LYG2: variants seen among roughly 807,000 people sequenced by gnomAD.
LYG2 encodes lysozyme g2, also known as lysozyme g-like protein 2.
LYG2 carries 25 observed loss-of-function variants against 22.4 expected under a neutral mutation model. The observed-to-expected ratio is 1.12, with a 90% CI of 0.81 to 1.56. The LOEUF is 1.56. Ranked by LOEUF, LYG2 falls within the 40% of genes most tolerant of loss-of-function variation. LYG2 has a pLI of 0.00. For missense variants in LYG2, 266 were observed against 269.5 expected (o/e 0.99, Z 0.09); for synonymous variants, 88 against 97.0 (o/e 0.91, Z 0.55).
chr2:99,247,440 T>G (rs1449227205), intron 3 of LYG2, among the ~76,000 whole-genome samples: 1 of 151,700 alleles, frequency 6.6e-6, no homozygotes, highest in Non-Finnish European at 1.5e-5. Context: ...CTTGAGAGTT[T>G]TTTTTTTTTT....
chr2:99,258,940 G>T (rs999634825), upstream of LYG2, among the ~76,000 whole-genome samples: 3 of 152,148 alleles, frequency 2.0e-5, no homozygotes, highest in Non-Finnish European at 4.4e-5. Flanking sequence ...GGCCAATAAA[G>T]CTCATGAAAA....
upstream of LYG2, among the ~76,000 whole-genome samples, chr2:99,257,243 A>T (rs945270094): frequency 1.3e-5 from 2 of 152,254 alleles, no homozygotes; most frequent in African/African-American, 4.8e-5. Flanking sequence ...GCAAATTAAT[A>T]TAAGTTAACT....
intron 4 of LYG2, among the ~76,000 whole-genome samples, chr2:99,246,121 A>T (rs984123335): frequency 2.0e-5 from 3 of 152,200 alleles, no homozygotes; most frequent in Non-Finnish European, 2.9e-5. Context: ...CACAAAAAAA[A>T]TTCTGCCACA....
chr2:99,253,875 G>A (rs537787593), intron 3 of LYG2, among the ~76,000 whole-genome samples: 1 of 152,010 alleles, frequency 6.6e-6, no homozygotes, highest in African/African-American at 2.4e-5. Context: ...CTCATCCACT[G>A]CTTGGCATTG....
rs574057556 is a variant in LYG2, at chr2:99,255,030, A to G, written c.-36T>C. The G allele has an allele frequency of 6.6e-6, 1 of 152,374 alleles. No homozygotes were observed. Among genetic ancestry groups the G allele is most frequent in the East Asian group, 1.9e-4 (1 of 5,190 alleles). 9.4% of individuals were successfully genotyped at this position (152,374 alleles called of 1,614,324 possible). On this transcript the variant is annotated 5_prime_UTR_variant, in exon 2 of 7. Coordinates refer to ENST00000333017, the MANE Select transcript of LYG2 (RefSeq NM_175735.4). ...AAGGCCAGCACTAACCTTGTTTGCAACCTTACAGAGAAAATCTCCCCTCTC... is the reference window on the plus strand; with the variant it reads ...AAGGCCAGCACTAACCTTGTTTGCAGCCTTACAGAGAAAATCTCCCCTCTC...
chr2:99,257,536 C>T (rs1329898094), upstream of LYG2, among the ~76,000 whole-genome samples: 4 of 152,198 alleles, frequency 2.6e-5, no homozygotes, highest in African/African-American at 9.7e-5. Context: ...AGAATGACTA[C>T]ATGTAAGTTG....
At chr2:99,260,649 G>A (rs1212365364), upstream of LYG2, among the ~76,000 whole-genome samples, 2 of 152,202 alleles carry the variant, frequency 1.3e-5, no homozygotes, top group East Asian at 3.9e-4. Flanking sequence ...ACCTGGGAGT[G>A]ACTTGAATAT....
At chr2:99,260,316 A>T (rs1281700434), upstream of LYG2, among the ~76,000 whole-genome samples, 1 of 152,222 alleles carries the variant, frequency 6.6e-6, no homozygotes, top group Non-Finnish European at 1.5e-5. Flanking sequence ...CACATATCAT[A>T]GCCTTCACTC....
rs1292195324 is a variant in LYG2 at position 99,245,438 on chromosome 2, A to G, written c.205T>C (p.Phe69Leu). ...MNCGIRGSEM[F>L]AEMDLRAIKP... ...ATGGCCCTCAAATCCATCTCAGCAA[A>G]CATTTCAGAACCACGGATCCCTACG... Residue 69 changes from phenylalanine (F) to leucine (L), a missense_variant, in exon 5 of 7, where the codon TTT becomes CTT. Transcript: ENST00000333017. 2 of 1,607,762 alleles carry G rather than the reference A, an allele frequency of 1.2e-6. No individual in the cohort carries two copies. Among genetic ancestry groups the G allele is most frequent in the South Asian group, 2.2e-5 (2 of 90,058 alleles).
intron 3 of LYG2, among the ~76,000 whole-genome samples, chr2:99,248,340 CA>C (rs1442772449): frequency 6.6e-6 from 1 of 152,016 alleles, no homozygotes; most frequent in African/African-American, 2.4e-5. Flanking sequence ...CCCAAATGTC[CA>C]ACAATGATAG....
At chr2:99,254,116 C>T in intron 3 of LYG2, 102 bp downstream of exon 3, 1 of 1,033,758 alleles carries the variant, frequency 9.7e-7, no homozygotes, top group Non-Finnish European at 1.5e-6. Context: ...TGAGAGCCCA[C>T]TCTTCCATTA....
chr2:99,249,472 A>G (rs2094022470), intron 3 of LYG2, among the ~76,000 whole-genome samples: 1 of 151,704 alleles, frequency 6.6e-6, no homozygotes, highest in South Asian at 2.1e-4. Flanking sequence ...TGTAAAAAAA[A>G]TAGAATCTGG....
chr2:99,251,931 GA>G (rs1353519116), intron 3 of LYG2, among the ~76,000 whole-genome samples: 1 of 77,144 alleles, frequency 1.3e-5, no homozygotes, highest in Admixed American at 1.3e-4. Flanking sequence ...AAGTAGCTGG[GA>G]CTACAGGTGC....
Position 99,243,299 on chromosome 2 carries a change from G to T in LYG2, c.520+700C>A, listed in dbSNP as rs966061596. 7.7e-5 allele frequency: 58 copies of T among 756,114 alleles called. 1 individual carries two copies. The highest frequency in any genetic ancestry group is 1.1e-4 in the Non-Finnish European group (54 of 471,726). 46.8% of individuals were successfully genotyped at this position (756,114 alleles called of 1,614,324 possible). ...AGAAGAAAGAGCAAATTTATAGTGG[G>T]AAGTTAGTGAGTTAATTCCATCTGG... On this transcript the variant is annotated intron_variant, in intron 6 of 6. Coordinates refer to ENST00000333017, the MANE Select transcript of LYG2 (RefSeq NM_175735.4).
chr2:99,246,647 G>C (rs1331552743), intron 4 of LYG2, 33 bp downstream of exon 4: 1 of 1,600,720 alleles, frequency 6.2e-7, no homozygotes, highest in Non-Finnish European at 8.5e-7. Context: ...GATGAAAGGG[G>C]GAAGCCAGTC....
chr2:99,248,838 T>G (rs2105272628), intron 3 of LYG2, among the ~76,000 whole-genome samples: 1 of 151,996 alleles, frequency 6.6e-6, no homozygotes, highest in African/African-American at 2.4e-5. Flanking sequence ...CCATAACAAT[T>G]TAAATATATT....
chr2:99,242,500 G>A lies in LYG2; in HGVS notation c.521-18C>T. On this transcript the variant is annotated intron_variant, in intron 6 of 6. Transcript: ENST00000333017. ...GAGACCACCTGAAATGAAACACAGA[G>A]AATTAGGCTCAAATATTAACTTTCA... The A allele has an allele frequency of 6.7e-7, 1 of 1,489,076 alleles. No individual in the cohort carries two copies. Among genetic ancestry groups the A allele is most frequent in the Non-Finnish European group, 9.3e-7 (1 of 1,070,248 alleles). 92.2% of individuals were successfully genotyped at this position (1,489,076 alleles called of 1,614,324 possible).
chr2:99,256,569 G>A (rs554055090), upstream of LYG2, among the ~76,000 whole-genome samples: 22 of 152,330 alleles, frequency 1.4e-4, no homozygotes, highest in African/African-American at 5.1e-4. Context: ...GCTCAAGAAA[G>A]GGAGATTAAG....
At position 99,243,200 on chromosome 2, in the gene LYG2, G is replaced by T. The variant is rs140556776; in HGVS notation, c.521-718C>A. 5.8e-3 allele frequency among the ~76,000 whole-genome samples: 878 copies of T among 152,256 alleles called. 5 individuals carry two copies. Among genetic ancestry groups the T allele is most frequent in the Non-Finnish European group, 9.2e-3 (624 of 68,018 alleles). The stretch of plus-strand genomic sequence containing the variant: ...GTGTGAAGAGAGAAGGAACCAGAGA[G>T]CCTAAGAAAGCAATCTGGTTTTCAG... On this transcript the variant is annotated intron_variant, in intron 6 of 6. Transcript: ENST00000333017.
Sources: allele counts gnomAD v4.1 joint callset (sites outside exome capture counted in the v4.1 genomes callset), GRCh38; gene constraint gnomAD v4.1.1; transcripts MANE v1.5; gene names NCBI Gene and HGNC (gene_info 2026-07-23, HGNC 2026-07-21).